DCAF15: variants seen among roughly 807,000 people sequenced by gnomAD.
The protein encoded by DCAF15 is DDB1- and CUL4-associated factor 15.
In DCAF15, 24 loss-of-function variants were observed where a neutral mutation model predicts 68.0. The ratio of observed to expected loss-of-function variants is 0.35; its 90% CI spans 0.26 to 0.50. The LOEUF is 0.50. Ranked by LOEUF, DCAF15 falls within the 20% of genes least tolerant of loss-of-function variation. DCAF15 has a pLI of 0.98. For missense variants in DCAF15, 627 were observed against 830.6 expected (o/e 0.75, Z 3.01); for synonymous variants, 376 against 341.6 (o/e 1.10, Z -1.11).
chr19:13,959,027 AC>A lies in DCAF15; in HGVS notation c.785-13del. 1 of 1,565,418 alleles carries A rather than the reference AC, an allele frequency of 6.4e-7. No individual in the cohort carries two copies. Among genetic ancestry groups the A allele is most frequent in the Non-Finnish European group, 8.7e-7 (1 of 1,155,508 alleles). The stretch of plus-strand genomic sequence containing the variant: ...GAGCACCCCAGACTGACACTTCTCC[AC>A]CCCCATCTCTTCTTAGGTGACAGGA... On this transcript the variant is annotated splice_polypyrimidine_tract_variant and intron_variant, in intron 6 of 12. Transcript: ENST00000254337.
At chr19:13,957,035 C>T (rs555747515) in intron 6 of DCAF15, among the ~76,000 whole-genome samples, 11 of 152,346 alleles carry the variant, frequency 7.2e-5, no homozygotes, top group African/African-American at 1.9e-4. Flanking sequence ...GGATGACAGG[C>T]GTGAGCCACC....
rs770161493 is a variant in DCAF15 at position 13,959,165 on chromosome 19, C to T, written c.905C>T (p.Ala302Val). The T allele has an allele frequency of 8.1e-6, 13 of 1,612,440 alleles. No homozygotes were observed. The highest frequency in any genetic ancestry group is 1.1e-5 in the South Asian group (1 of 91,094). ...PPALPSFCPE[A>V]APARSSGSPE... Reference sequence around the variant, plus strand: ...GCCCTCCCCAGCTTCTGCCCTGAGGCGGCCCCAGCCCGTTCTTCTGGGTCT... The same window carrying T: ...GCCCTCCCCAGCTTCTGCCCTGAGGTGGCCCCAGCCCGTTCTTCTGGGTCT... The change falls in exon 7 of 13, where the codon GCG becomes GTG. Residue 302 changes from alanine (A) to valine (V), a missense_variant. By Grantham distance (64) the Ala-to-Val change is moderately conservative. Transcript: ENST00000254337.
At position 13,961,087 on chromosome 19, in the gene DCAF15, C is replaced by T. The variant is rs1568452123; in HGVS notation, c.*92C>T. The stretch of plus-strand genomic sequence containing the variant: ...GTGGCCTCTTCCTGGCCGGCTGGCC[C>T]ACCGACTGATGACCGGCACTAGTGT... On this transcript the variant is annotated 3_prime_UTR_variant, in exon 13 of 13. Coordinates refer to ENST00000254337, the MANE Select transcript of DCAF15 (RefSeq NM_138353.4). 3.4e-6 allele frequency: 5 copies of T among 1,484,374 alleles called. No individual in the cohort carries two copies. Among genetic ancestry groups the T allele is most frequent in the Non-Finnish European group, 4.6e-6 (5 of 1,077,414 alleles). The allele number at this position is 1,484,374 out of a possible 1,614,324, so 92.0% of individuals were successfully genotyped here.
chr19:13,957,718 G>A (rs961344262), intron 6 of DCAF15, among the ~76,000 whole-genome samples: 8 of 152,134 alleles, frequency 5.3e-5, no homozygotes, highest in Admixed American at 2.0e-4. Flanking sequence ...AGACCAGTGT[G>A]GCCAACACGG....
Position 13,959,674 on chromosome 19 carries a change from G to A in DCAF15, c.1311+1G>A. ...CATGCGGGAGCGGACTGCTGTCCAG[G>A]TGGGTGTGGGCAGTGGGCGGGCCAA... On this transcript the variant is annotated splice_donor_variant, in intron 8 of 12. Transcript: ENST00000254337. LOFTEE classifies it high-confidence loss of function. The A allele has an allele frequency of 6.2e-7, 1 of 1,613,408 alleles. No individual in the cohort carries two copies.
intron 6 of DCAF15, among the ~76,000 whole-genome samples, chr19:13,956,816 C>T (rs1317403732): frequency 6.6e-6 from 1 of 152,236 alleles, no homozygotes; most frequent in Non-Finnish European, 1.5e-5. Context: ...CACTGGAGTC[C>T]AGTGGTGCGA....
chr19:13,960,689 G>A, intron 12 of DCAF15, 109 bp downstream of exon 12: 1 of 1,180,708 alleles, frequency 8.5e-7, no homozygotes, highest in South Asian at 1.5e-5. Flanking sequence ...GGTGAGGAGA[G>A]GGCAGCCCAG....
At position 13,959,805 on chromosome 19, in the gene DCAF15, C is replaced by G; in HGVS notation, c.1350C>G (p.Phe450Leu). 1.9e-6 allele frequency: 3 copies of G among 1,610,108 alleles called. No individual in the cohort carries two copies. The highest frequency in any genetic ancestry group is 2.5e-6 in the Non-Finnish European group (3 of 1,179,222). Residue 450 changes from phenylalanine to leucine, a missense_variant, in exon 9 of 13, where the codon TTC becomes TTG. By Grantham distance (22) the Phe-to-Leu change is conservative (BLOSUM62 0). Coordinates refer to ENST00000254337, the MANE Select transcript of DCAF15 (RefSeq NM_138353.4). ...YLTVEQLTLD[F>L]EYVINEVIRH... is the part of the protein sequence containing the mutation. ...CAGTGGAGCAGCTCACACTAGACTT[C>G]GAATATGTTATCAATGAGGTCATCC... is the stretch of plus-strand genomic sequence containing the variant.
Position 13,960,930 on chromosome 19 carries a change from G to C in DCAF15, c.1748-10G>C. The C allele has an allele frequency of 6.2e-7, 1 of 1,613,988 alleles. No homozygotes were observed. The highest frequency in any genetic ancestry group is 8.5e-7 in the Non-Finnish European group (1 of 1,180,032). ...GGGGCTCTATGCTTTGTCTCCACCT[G>C]TCCCTGTAGGGTGCTCCCTGAAGGT... On this transcript the variant is annotated splice_polypyrimidine_tract_variant and intron_variant, in intron 12 of 12. Transcript: ENST00000254337.
chr19:13,960,840 C>A, intron 12 of DCAF15, 100 bp from the exon 13 acceptor site: 1 of 1,498,336 alleles, frequency 6.7e-7, no homozygotes, highest in Non-Finnish European at 9.2e-7. Context: ...GGGTCCCTGC[C>A]TTCTGGAACC....
chr19:13,952,676 C>G, intron 1 of DCAF15, 32 bp downstream of exon 1: 1 of 1,001,356 alleles, frequency 1.0e-6, no homozygotes, highest in Non-Finnish European at 1.2e-6. Flanking sequence ...GGGAGCGCGC[C>G]GGAGGGTGGG....
At chr19:13,954,875 G>C (rs1232503142) in intron 3 of DCAF15, among the ~76,000 whole-genome samples, 1 of 152,154 alleles carries the variant, frequency 6.6e-6, no homozygotes, top group Non-Finnish European at 1.5e-5. Context: ...GGAGGCCAAG[G>C]CGGGAGGATC....
At chr19:13,954,766 A>G (rs1279070473) in intron 3 of DCAF15, 105 bp downstream of exon 3, 5 of 1,221,878 alleles carry the variant, frequency 4.1e-6, no homozygotes, top group Non-Finnish European at 5.8e-6. Context: ...ATCATCATGT[A>G]CTCCTGGGGT....
At position 13,960,450 on chromosome 19, in the gene DCAF15, C is replaced by G. The variant is rs145192017; in HGVS notation, c.1632-15C>G. The G allele has an allele frequency of 7.0e-4, 1,131 of 1,611,860 alleles. 9 individuals carry two copies. In the African/African-American group the frequency reaches 0.013, roughly 19 times the overall value. ...GGCCAAGGCGACGAGAGCCACTCAC[C>G]CCCTGGCCCCGCAGCGGCAGTGTCT... On this transcript the variant is annotated splice_polypyrimidine_tract_variant and intron_variant, in intron 11 of 12. Coordinates refer to ENST00000254337, the MANE Select transcript of DCAF15 (RefSeq NM_138353.4).
In DCAF15 at chr19:13,952,537, C is replaced by A. The variant is rs1186601546; in HGVS notation, c.25C>A (p.Arg9=). 21 of 1,251,228 alleles carry A rather than the reference C, an allele frequency of 1.7e-5. No individual in the cohort carries two copies. The highest frequency in any genetic ancestry group is 2.1e-5 in the Non-Finnish European group (21 of 991,470). The allele number at this position is 1,251,228 out of a possible 1,614,324, so 77.5% of individuals were successfully genotyped here. The change falls in exon 1 of 13, where the codon CGG becomes AGG. Residue 9 remains arginine, a synonymous_variant. Coordinates refer to ENST00000254337, the MANE Select transcript of DCAF15 (RefSeq NM_138353.4). The stretch of plus-strand genomic sequence containing the variant: ...AATGGCGCCCAGCTCGAAATCGGAG[C>A]GGAACAGCGGGGCTGGGAGCGGCGG... The part of the protein sequence containing the change: MAPSSKSE[R]NSGAGSGGGG...
intron 12 of DCAF15, 86 bp downstream of exon 12, chr19:13,960,666 G>A: frequency 7.5e-7 from 1 of 1,331,760 alleles, no homozygotes; most frequent in Non-Finnish European, 1.0e-6. Context: ...CTGATGAAAT[G>A]GGTGGGAAGG....
At chr19:13,952,895 G>T in intron 1 of DCAF15, 3 of 592,038 alleles carry the variant, frequency 5.1e-6, no homozygotes, top group Non-Finnish European at 7.9e-6. Context: ...TGGGGGCGGG[G>T]CCCCAGGGAG....
In DCAF15 at chr19:13,959,908, C is replaced by CGGGCAGGGTGGGCCCAGGGA; in HGVS notation, c.1440+32_1440+33insAGGGCAGGGTGGGCCCAGGG. 1.8e-6 allele frequency: 2 copies of CGGGCAGGGTGGGCCCAGGGA among 1,111,444 alleles called. No homozygotes were observed. Among genetic ancestry groups the CGGGCAGGGTGGGCCCAGGGA allele is most frequent in the Non-Finnish European group, 2.6e-6 (2 of 756,788 alleles). The allele number at this position is 1,111,444 out of a possible 1,614,324, so 68.8% of individuals were successfully genotyped here. ...CGTCATTCTGGAGGTGGGCCCAGGG[C>CGGGCAGGGTGGGCCCAGGGA]GGGCAGGGTGGGCCCAGGGCCTCCT... On this transcript the variant is annotated intron_variant, in intron 9 of 12. Coordinates refer to ENST00000254337, the MANE Select transcript of DCAF15 (RefSeq NM_138353.4).
intron 3 of DCAF15, among the ~76,000 whole-genome samples, chr19:13,955,027 G>GC (rs1973294272): frequency 6.6e-6 from 1 of 151,576 alleles, no homozygotes. Context: ...GATCACCTGA[G>GC]CCCAAGAGTT....
Sources: gnomAD v4.1 joint callset for allele counts (sites outside exome capture counted in the v4.1 genomes callset) on GRCh38, gnomAD v4.1.1 for gene constraint, MANE v1.5 for transcripts, NCBI Gene and HGNC (gene_info 2026-07-23, HGNC 2026-07-21) for gene names.